Variants in SHANK2 observed in about 807,000 individuals in gnomAD.
The protein encoded by SHANK2 is SH3 and multiple ankyrin repeat domains 2.
Under a neutral mutation model 133.7 loss-of-function variants are expected in SHANK2, and 43 were observed. That is an observed-to-expected ratio of 0.32 (90% confidence interval 0.25 to 0.41). SHANK2 has a LOEUF of 0.41. Among genes scored for constraint, SHANK2 ranks in the 10% least tolerant of loss-of-function variants. The pLI is 1.00. For missense variants in SHANK2, 1,994 were observed against 2,235.8 expected (o/e 0.89, Z 2.18); for synonymous variants, 1,017 against 952.8 (o/e 1.07, Z -1.24).
intron 11 of SHANK2, chr11:70,862,761 G>C (rs1555068081): frequency 3.6e-6 from 1 of 276,458 alleles, no homozygotes. Context: ...GGGTGGGGGT[G>C]GGGAGCTTGG....
intron 6 of SHANK2, among the ~76,000 whole-genome samples, chr11:71,099,851 A>G (rs1055088713): frequency 6.6e-6 from 1 of 152,148 alleles, no homozygotes; most frequent in Non-Finnish European, 1.5e-5. Context: ...CAGGAGTTCA[A>G]GACCTGCCTG....
intron 9 of SHANK2, among the ~76,000 whole-genome samples, chr11:71,073,797 C>G (rs896959114): frequency 1.3e-5 from 2 of 152,152 alleles, no homozygotes; most frequent in Admixed American, 1.3e-4. Flanking sequence ...GATGGTGCCA[C>G]GCATGCCTGG....
intron 11 of SHANK2, among the ~76,000 whole-genome samples, chr11:70,834,596 C>A (rs551694415): frequency 1.3e-5 from 2 of 152,280 alleles, no homozygotes; most frequent in African/African-American, 4.8e-5. Context: ...TTCTTTCCCT[C>A]GTAGCTTTAG....
At chr11:70,702,419 C>T (rs2134516423) in intron 14 of SHANK2, among the ~76,000 whole-genome samples, 1 of 152,018 alleles carries the variant, frequency 6.6e-6, no homozygotes, top group Non-Finnish European at 1.5e-5. Context: ...CCATCATCAT[C>T]ATCACCACCA....
intron 17 of SHANK2, among the ~76,000 whole-genome samples, chr11:70,621,150 T>C (rs1486832871): frequency 2.0e-5 from 3 of 152,072 alleles, no homozygotes; most frequent in Admixed American, 1.3e-4. Context: ...CTCTACAGGC[T>C]CACATCAATG....
chr11:71,205,703 C>T (rs1954113711), intron 2 of SHANK2, among the ~76,000 whole-genome samples: 1 of 152,198 alleles, frequency 6.6e-6, no homozygotes, highest in Admixed American at 6.5e-5. Context: ...TGCTCCCTCC[C>T]CAACACCTAC....
intron 3 of SHANK2, among the ~76,000 whole-genome samples, chr11:71,124,871 C>A (rs1952154078): frequency 6.6e-6 from 1 of 152,180 alleles, no homozygotes; most frequent in East Asian, 1.9e-4. Context: ...AATCTATCGG[C>A]ATTATTTCTC....
chr11:70,613,249 G>C (rs1159254122), intron 17 of SHANK2, among the ~76,000 whole-genome samples: 2 of 152,014 alleles, frequency 1.3e-5, no homozygotes, highest in East Asian at 3.8e-4. Context: ...TGTCGCCCAG[G>C]CTGGAGTACA....
chr11:70,646,116 C>T (rs1404811490), intron 17 of SHANK2: 1 of 152,288 alleles, frequency 6.6e-6, no homozygotes, highest in African/African-American at 2.4e-5. Context: ...AACTCGCATG[C>T]TGGTAGCCTG....
At chr11:70,744,151 A>G (rs1334217566) in intron 14 of SHANK2, among the ~76,000 whole-genome samples, 3 of 152,192 alleles carry the variant, frequency 2.0e-5, no homozygotes, top group African/African-American at 7.2e-5. Flanking sequence ...AACCAGGAAC[A>G]CACAGGGCCC....
At chr11:70,877,258 A>G (rs895078343) in intron 11 of SHANK2, among the ~76,000 whole-genome samples, 2 of 152,224 alleles carry the variant, frequency 1.3e-5, no homozygotes, top group Non-Finnish European at 2.9e-5. Context: ...CGAGGGCCCC[A>G]GCCAGGGTCA....
At chr11:70,512,017 C>A (rs1554969355) in intron 17 of SHANK2, among the ~76,000 whole-genome samples, 1 of 152,236 alleles carries the variant, frequency 6.6e-6, no homozygotes, top group Non-Finnish European at 1.5e-5. Flanking sequence ...ATCTATCACT[C>A]AATCTCTGAA....
chr11:70,704,754 A>T (rs1179243922), intron 14 of SHANK2, among the ~76,000 whole-genome samples: 1 of 152,218 alleles, frequency 6.6e-6, no homozygotes, highest in Non-Finnish European at 1.5e-5. Flanking sequence ...AGATGGACAC[A>T]AAAGACCTTG....
chr11:70,608,364 G>C (rs1030257488), intron 17 of SHANK2, among the ~76,000 whole-genome samples: 4 of 152,128 alleles, frequency 2.6e-5, no homozygotes, highest in African/African-American at 9.7e-5. Context: ...GAACACGTAG[G>C]GGGCCTGCAG....
chr11:70,867,102 C>T (rs1236674360), intron 11 of SHANK2, among the ~76,000 whole-genome samples: 1 of 146,082 alleles, frequency 6.8e-6, no homozygotes, highest in Non-Finnish European at 1.5e-5. Flanking sequence ...GATTTGAATC[C>T]AATTCGGTGT....
intron 25 of SHANK2, among the ~76,000 whole-genome samples, chr11:70,476,020 G>A (rs536896366): frequency 6.6e-6 from 1 of 151,994 alleles, no homozygotes; most frequent in African/African-American, 2.4e-5. Flanking sequence ...TCAGGGGTTC[G>A]AGACCAGCCT....
Position 70,621,515 on chromosome 11 carries a change from G to A in SHANK2, c.2061+38313C>T, listed in dbSNP as rs546169652. Among the ~76,000 whole-genome samples the A allele has an allele frequency of 3.9e-4, 59 of 152,370 alleles. 1 individual carries two copies. Among genetic ancestry groups the A allele is most frequent in the Non-Finnish European group, 6.8e-4 (46 of 68,038 alleles). ...GCTGTGCCCCTACAGCACCCTTGGC[G>A]AGGACGTGGCCCATGGCAGGTGCTT... On this transcript the variant is annotated intron_variant, in intron 17 of 25. Coordinates refer to ENST00000601538, the MANE Select transcript of SHANK2 (RefSeq NM_012309.5).
intron 17 of SHANK2, among the ~76,000 whole-genome samples, chr11:70,517,666 T>C (rs2059282040): frequency 6.6e-6 from 1 of 152,094 alleles, no homozygotes; most frequent in South Asian, 2.1e-4. Flanking sequence ...AGGCAAACTA[T>C]GGAGAAGGTA....
chr11:70,611,998 A>G (rs1178637807), intron 17 of SHANK2, among the ~76,000 whole-genome samples: 2 of 151,902 alleles, frequency 1.3e-5, no homozygotes, highest in South Asian at 2.1e-4. Context: ...GAACACTGGG[A>G]AGGCATCACA....
Sources: allele counts gnomAD v4.1 joint callset (sites outside exome capture counted in the v4.1 genomes callset), GRCh38; gene constraint gnomAD v4.1.1; transcripts MANE v1.5; gene names NCBI Gene and HGNC (gene_info 2026-07-23, HGNC 2026-07-21).